The following ARHGAP40 variants were observed in gnomAD, a reference collection of about 807,000 sequenced individuals.
The protein encoded by ARHGAP40 is rho GTPase-activating protein 40.
In ARHGAP40, 43 loss-of-function variants were observed where a neutral mutation model predicts 73.5. The observed-to-expected ratio is 0.58, with a 90% CI of 0.46 to 0.75. The LOEUF (loss-of-function observed/expected upper bound fraction) is 0.75. Ranked by LOEUF, ARHGAP40 falls within the 30% of genes least tolerant of loss-of-function variation. The pLI is 0.00. For missense variants in ARHGAP40, 734 were observed against 861.8 expected (o/e 0.85, Z 1.86); for synonymous variants, 300 against 352.8 (o/e 0.85, Z 1.68).
intron 6 of ARHGAP40, among the ~76,000 whole-genome samples, chr20:38,635,213 AT>A (rs35836403): frequency 0.18 from 26,629 of 150,916 alleles, 2,895 homozygotes; most frequent in Non-Finnish European, 0.25. Flanking sequence ...TTCTGTTTAC[AT>A]TTTTTTTTCT....
At chr20:38,638,994 G>A (rs532258810) in intron 8 of ARHGAP40, among the ~76,000 whole-genome samples, 156 bp downstream of exon 8, 4 of 152,160 alleles carry the variant, frequency 2.6e-5, no homozygotes, top group Admixed American at 1.3e-4. Context: ...GGCATGATGA[G>A]CATGGTGGCA....
chr20:38,626,232 C>G (rs1404316896), intron 2 of ARHGAP40, among the ~76,000 whole-genome samples: 1 of 152,212 alleles, frequency 6.6e-6, no homozygotes, highest in Non-Finnish European at 1.5e-5. Context: ...CTAACTGGGT[C>G]AACACTGGGT....
At chr20:38,606,842 C>T (rs531985395) in intron 1 of ARHGAP40, among the ~76,000 whole-genome samples, 7 of 152,276 alleles carry the variant, frequency 4.6e-5, no homozygotes, top group East Asian at 3.9e-4. Context: ...TGTATGTGAA[C>T]GCAACCACTG....
At chr20:38,610,734 G>A (rs145271674) in intron 1 of ARHGAP40, among the ~76,000 whole-genome samples, 2 of 152,188 alleles carry the variant, frequency 1.3e-5, no homozygotes, top group African/African-American at 4.8e-5. Context: ...ATGTTTAAGA[G>A]AAGGAAGTCT....
intron 2 of ARHGAP40, 119 bp downstream of exon 2, chr20:38,623,677 T>C (rs775516548): frequency 1.8e-4 from 141 of 791,818 alleles, no homozygotes; most frequent in Non-Finnish European, 2.3e-4. Context: ...TTGCCTGGAC[T>C]GGTGCAGTAT....
chr20:38,626,089 C>A (rs534823521), intron 2 of ARHGAP40, among the ~76,000 whole-genome samples: 2 of 152,352 alleles, frequency 1.3e-5, no homozygotes, highest in East Asian at 3.9e-4. Context: ...AACATTGCAA[C>A]TGCCCTGGAG....
chr20:38,615,425 T>A, intron 1 of ARHGAP40: 1 of 722,590 alleles, frequency 1.4e-6, no homozygotes, highest in South Asian at 1.4e-5. Context: ...AAGTTGGGGA[T>A]AATGGTAACC....
intron 7 of ARHGAP40, 82 bp from the exon 8 acceptor site, chr20:38,638,675 CTGAT>C: frequency 9.4e-7 from 1 of 1,058,338 alleles, no homozygotes; most frequent in Non-Finnish European, 1.3e-6. Context: ...TCCCCTCTTT[CTGAT>C]TTTCATGGGA....
chr20:38,603,955 C>T (rs2088755665), intron 1 of ARHGAP40, among the ~76,000 whole-genome samples: 1 of 152,214 alleles, frequency 6.6e-6, no homozygotes, highest in Non-Finnish European at 1.5e-5. Flanking sequence ...TGACATTGGG[C>T]CCACTGGCTA....
intron 1 of ARHGAP40, among the ~76,000 whole-genome samples, chr20:38,609,740 C>A (rs184699111): frequency 2.6e-5 from 4 of 152,306 alleles, no homozygotes; most frequent in African/African-American, 9.6e-5. Context: ...GCCAACTGGG[C>A]AAAACTCCAG....
chr20:38,635,190 G>C (rs1309897057), intron 6 of ARHGAP40, among the ~76,000 whole-genome samples: 1 of 151,282 alleles, frequency 6.6e-6, no homozygotes, highest in Non-Finnish European at 1.5e-5. Flanking sequence ...AGCATGCTCA[G>C]CTTCTATATT....
In ARHGAP40 at chr20:38,646,152, G is replaced by A. The variant is rs1256552547; in HGVS notation, c.1675G>A (p.Ala559Thr). The A allele has an allele frequency of 4.6e-6, 6 of 1,303,884 alleles. No individual in the cohort carries two copies. Among genetic ancestry groups the A allele is most frequent in the Non-Finnish European group, 5.1e-6 (5 of 988,658 alleles). 80.8% of individuals were successfully genotyped at this position (1,303,884 alleles called of 1,614,324 possible). A position where few individuals can be genotyped will look rare whatever the true frequency, so the allele number is the denominator to read the frequency against. The stretch of plus-strand genomic sequence containing the variant: ...CAAGACTTGGCTGCGGAGGATGCAC[G>A]CAGACAGGGACAAGGCGGGGGACGG... Residue 559 changes from alanine to threonine, a missense_variant, in exon 12 of 15, where the codon GCA (alanine) becomes ACA (threonine). Physicochemically the swap from Ala to Thr is moderately conservative, Grantham distance 58. Coordinates refer to ENST00000373345, the Ensembl canonical transcript of ARHGAP40. This position sits in a 1 kb window ranked among gnomAD's most constrained non-coding sequence, Gnocchi z 4.5.
At chr20:38,623,494 G>C in exon 2 of ARHGAP40, 1 of 1,290,932 alleles carries the variant, frequency 7.7e-7, no homozygotes, top group Admixed American at 2.3e-5. Context: ...AGGTGGAACA[G>C]ATCCAACAGA....
chr20:38,621,426 G>T (rs1400411056), intron 1 of ARHGAP40, among the ~76,000 whole-genome samples: 1 of 152,134 alleles, frequency 6.6e-6, no homozygotes, highest in Admixed American at 6.5e-5. Context: ...GCGCTGTGTG[G>T]GGGACCTTCC....
intron 1 of ARHGAP40, 52 bp downstream of exon 1, chr20:38,602,131 G>A (rs2088739096): frequency 8.0e-7 from 1 of 1,243,128 alleles, no homozygotes; most frequent in Admixed American, 2.6e-5. Context: ...TGCACCAGGG[G>A]CATGTGCGGT....
intron 5 of ARHGAP40, among the ~76,000 whole-genome samples, chr20:38,632,274 T>G (rs1288582270): frequency 6.6e-6 from 1 of 150,464 alleles, no homozygotes; most frequent in African/African-American, 2.4e-5. Context: ...TAAATTTTTT[T>G]TTTTTTGAGA....
At chr20:38,623,780 T>C (rs998531162) in intron 2 of ARHGAP40, among the ~76,000 whole-genome samples, 1 of 152,234 alleles carries the variant, frequency 6.6e-6, no homozygotes, top group South Asian at 2.1e-4. Flanking sequence ...TAAATTAGAT[T>C]ATGTCCCTCC....
At chr20:38,610,173 CTG>C (rs140124338) in intron 1 of ARHGAP40, among the ~76,000 whole-genome samples, 1 of 151,710 alleles carries the variant, frequency 6.6e-6, no homozygotes, top group South Asian at 2.1e-4. Context: ...TTATGCATCT[CTG>C]TGTGTGTGTG....
chr20:38,633,795 T>A (rs1019689777), intron 5 of ARHGAP40, among the ~76,000 whole-genome samples: 11 of 152,220 alleles, frequency 7.2e-5, no homozygotes, highest in Non-Finnish European at 1.2e-4. Flanking sequence ...TGCCTGCAGA[T>A]TCCCAAGGTG....
Sources: allele counts gnomAD v4.1 joint callset (sites outside exome capture counted in the v4.1 genomes callset), GRCh38; gene constraint gnomAD v4.1.1; non-coding constraint Gnocchi (gnomAD v3.1); transcripts MANE v1.5; gene names NCBI Gene and HGNC (gene_info 2026-07-23, HGNC 2026-07-21).